The following KDM4B variants were observed in gnomAD, a reference collection of about 807,000 sequenced individuals.
The protein encoded by KDM4B is lysine-specific demethylase 4B.
A neutral mutation model predicts 125.2 loss-of-function variants in KDM4B; 32 were observed. The observed-to-expected ratio is 0.26, with a 90% CI of 0.19 to 0.34. The LOEUF is 0.34. Ranked by LOEUF, KDM4B falls within the 10% of genes least tolerant of loss-of-function variation. The pLI, the probability that KDM4B is intolerant of heterozygous loss-of-function variation, is 1.00. For synonymous variants in KDM4B, 721 were observed against 677.9 expected, an observed-to-expected ratio of 1.06 and a Z score of -0.99; for missense variants, 1,190 against 1,577.7, an observed-to-expected ratio of 0.75 and a Z score of 4.16.
intron 1 of KDM4B, among the ~76,000 whole-genome samples, chr19:4,982,591 TTC>T (rs551213682): frequency 3.8e-4 from 56 of 147,084 alleles, no homozygotes; most frequent in Admixed American, 4.8e-4. Context: ...AAAAGTGATG[TTC>T]TCTCTCTCTC....
chr19:4,991,190 A>C (rs1466078302), intron 1 of KDM4B, among the ~76,000 whole-genome samples: 1 of 152,234 alleles, frequency 6.6e-6, no homozygotes, highest in Non-Finnish European at 1.5e-5. Context: ...AAGGTAGACA[A>C]CATGGAATAA....
At chr19:5,144,943 G>GCT in intron 21 of KDM4B, 41 bp downstream of exon 21, 2 of 1,611,640 alleles carry the variant, frequency 1.2e-6, no homozygotes, top group Non-Finnish European at 1.7e-6. Flanking sequence ...CCTTCACCAA[G>GCT]CTCTTCTTGT....
chr19:5,146,951 AAAAAAAAAAAAC>A (rs1386567847), intron 21 of KDM4B, among the ~76,000 whole-genome samples: 6 of 150,602 alleles, frequency 4.0e-5, no homozygotes, highest in African/African-American at 2.4e-5. Flanking sequence ...AAAAAAAAAA[AAAAAAAAAAAAC>A]AAAAACTCTG....
chr19:5,046,751 G>T (rs143320479), intron 5 of KDM4B, among the ~76,000 whole-genome samples: 27 of 152,346 alleles, frequency 1.8e-4, no homozygotes, highest in Middle Eastern at 3.4e-3. Flanking sequence ...TGGAAGGGCT[G>T]TCACTGGGCC....
chr19:5,020,773 G>A (rs187146565), intron 2 of KDM4B, among the ~76,000 whole-genome samples: 1 of 152,296 alleles, frequency 6.6e-6, no homozygotes, highest in Admixed American at 6.5e-5. Flanking sequence ...AACTTTTCCT[G>A]ACCTGTAAAA....
At chr19:5,066,159 C>T (rs1010559294) in intron 6 of KDM4B, among the ~76,000 whole-genome samples, 5 of 152,236 alleles carry the variant, frequency 3.3e-5, no homozygotes, top group African/African-American at 4.8e-5. Context: ...AGAGGTGGCC[C>T]GGCCCCCACT....
At chr19:5,036,839 C>T (rs569845990) in intron 3 of KDM4B, among the ~76,000 whole-genome samples, 3 of 152,354 alleles carry the variant, frequency 2.0e-5, no homozygotes, top group South Asian at 2.1e-4. Context: ...TGTCCTCTTC[C>T]GCCCTGCGGG....
intron 1 of KDM4B, among the ~76,000 whole-genome samples, chr19:4,978,724 C>G (rs562544421): frequency 1.7e-4 from 26 of 152,200 alleles, no homozygotes; most frequent in African/African-American, 6.3e-4. Flanking sequence ...CTGTGCCTGT[C>G]GCTGGCTCAG....
chr19:5,024,238 G>T (rs1053069573), intron 2 of KDM4B, among the ~76,000 whole-genome samples: 1 of 152,112 alleles, frequency 6.6e-6, no homozygotes, highest in African/African-American at 2.4e-5. Flanking sequence ...ATGGGCAGTT[G>T]TGGGGCCTGG....
At chr19:5,013,317 G>A (rs2035787638) in intron 1 of KDM4B, among the ~76,000 whole-genome samples, 1 of 152,214 alleles carries the variant, frequency 6.6e-6, no homozygotes, top group Non-Finnish European at 1.5e-5. Flanking sequence ...GTGGCAGCCA[G>A]GAGCAGCAGG....
At chr19:5,012,515 C>T (rs80062348) in intron 1 of KDM4B, among the ~76,000 whole-genome samples, 200 of 152,328 alleles carry the variant, frequency 1.3e-3, no homozygotes, top group African/African-American at 4.2e-3. Flanking sequence ...TCCTGGGATC[C>T]CTCGTGGCCC....
intron 21 of KDM4B, among the ~76,000 whole-genome samples, chr19:5,149,442 C>T (rs556700961): frequency 5.3e-5 from 8 of 152,314 alleles, no homozygotes; most frequent in African/African-American, 1.9e-4. Flanking sequence ...GTAGCTGGGA[C>T]CACAGGCACA....
intron 7 of KDM4B, chr19:5,074,739 C>G (rs73919724): frequency 6.6e-6 from 1 of 152,364 alleles, no homozygotes; most frequent in Non-Finnish European, 1.5e-5. Context: ...ACCGTGGCCC[C>G]GCTCTCCCGC....
chr19:5,050,086 T>G (rs926601660), intron 6 of KDM4B, among the ~76,000 whole-genome samples: 3 of 152,232 alleles, frequency 2.0e-5, no homozygotes, highest in Non-Finnish European at 4.4e-5. Context: ...TCTCCCTCAT[T>G]ACACTGTTCC....
intron 9 of KDM4B, among the ~76,000 whole-genome samples, chr19:5,088,659 CCCCCCT>C (rs1416772979): frequency 6.0e-5 from 6 of 100,082 alleles, no homozygotes; most frequent in African/African-American, 2.2e-4. Flanking sequence ...GGCCAGGCCC[CCCCCCT>C]CCCCCCCCCC....
chr19:5,053,355 G>A (rs979860388), intron 6 of KDM4B, among the ~76,000 whole-genome samples: 2 of 152,222 alleles, frequency 1.3e-5, no homozygotes, highest in Non-Finnish European at 2.9e-5. Context: ...GCAGGGGACC[G>A]CAGCCAGGTC....
At chr19:5,069,410 A>G (rs1188528042) in intron 6 of KDM4B, among the ~76,000 whole-genome samples, 11 of 151,606 alleles carry the variant, frequency 7.3e-5, no homozygotes, top group Admixed American at 3.3e-4. Context: ...CCTGGATTCA[A>G]GCAATTCTCC....
At chr19:5,011,942 G>A (rs1352682995) in intron 1 of KDM4B, among the ~76,000 whole-genome samples, 2 of 152,196 alleles carry the variant, frequency 1.3e-5, no homozygotes, top group African/African-American at 2.4e-5. Flanking sequence ...TTGGCGGAGG[G>A]GCTCACAGAG....
At chr19:5,109,255 G>A (rs950993694) in intron 9 of KDM4B, among the ~76,000 whole-genome samples, 8 of 152,132 alleles carry the variant, frequency 5.3e-5, no homozygotes, top group Non-Finnish European at 1.0e-4. Flanking sequence ...CAGTAGGTAC[G>A]TGACAGACCA....
Sources: allele counts gnomAD v4.1 joint callset (sites outside exome capture counted in the v4.1 genomes callset), GRCh38; gene constraint gnomAD v4.1.1; transcripts MANE v1.5; gene names NCBI Gene and HGNC (gene_info 2026-07-23, HGNC 2026-07-21).